The following RARB variants were observed in gnomAD, a reference collection of about 807,000 sequenced individuals.
The protein encoded by RARB is HBV-activated protein.
A neutral mutation model predicts 51.9 loss-of-function variants in RARB; 17 were observed. That is an observed-to-expected ratio of 0.33 (90% confidence interval 0.22 to 0.49). The LOEUF (loss-of-function observed/expected upper bound fraction) is 0.49, where lower values mean the gene tolerates loss of function less well. Among genes scored for constraint, RARB ranks in the 20% least tolerant of loss-of-function variants. The pLI is 0.99. For synonymous variants in RARB, 215 were observed against 195.4 expected, an observed-to-expected ratio of 1.10 and a Z score of -0.84; for missense variants, 369 against 550.8, an observed-to-expected ratio of 0.67 and a Z score of 3.30.
At chr3:25,314,661 A>T (rs555580857) in intron 5 of RARB, among the ~76,000 whole-genome samples, 1 of 152,048 alleles carries the variant, frequency 6.6e-6, no homozygotes, top group Admixed American at 6.5e-5. Context: ...GTATTTTTTT[A>T]TATATATACT....
intron 3 of RARB, among the ~76,000 whole-genome samples, chr3:25,097,048 C>T (rs1405622546): frequency 6.6e-6 from 1 of 152,118 alleles, no homozygotes; most frequent in Non-Finnish European, 1.5e-5. Context: ...TAGGTTATTC[C>T]TTTTAGTTCT....
At chr3:25,002,423 A>G (rs1007384776) in intron 2 of RARB, among the ~76,000 whole-genome samples, 13 of 152,176 alleles carry the variant, frequency 8.5e-5, no homozygotes, top group African/African-American at 2.9e-4. Flanking sequence ...GGAATGAATC[A>G]ACTAATGACA....
In RARB at chr3:25,306,663, C is replaced by T. The variant is rs550099311; in HGVS notation, c.178+132088C>T. Among the ~76,000 whole-genome samples, 4 of 152,206 alleles carry T rather than the reference C, an allele frequency of 2.6e-5. No homozygotes were observed. In the East Asian group the frequency reaches 7.7e-4, roughly 29 times the overall value. On this transcript the variant is annotated intron_variant, in intron 5 of 11. Transcript: ENST00000383772. The stretch of plus-strand genomic sequence containing the variant: ...ATGCCAATACTAAATCCTTTCATGA[C>T]CTATAGTTCATGTGAAGTTCGCATG...
chr3:24,905,430 C>T (rs1182375137), intron 2 of RARB, among the ~76,000 whole-genome samples: 1 of 152,216 alleles, frequency 6.6e-6, no homozygotes, highest in Non-Finnish European at 1.5e-5. Flanking sequence ...TCACACTGCT[C>T]ATCCTTCTGT....
chr3:25,117,455 C>A (rs182305157), intron 3 of RARB, among the ~76,000 whole-genome samples: 17 of 152,282 alleles, frequency 1.1e-4, no homozygotes, highest in African/African-American at 3.9e-4. Context: ...TCAAAGAGCA[C>A]TCATTCCAAT....
chr3:25,171,368 T>C (rs1333957166), intron 4 of RARB, among the ~76,000 whole-genome samples: 1 of 150,278 alleles, frequency 6.7e-6, no homozygotes, highest in African/African-American at 2.5e-5. Context: ...CAGTCACATA[T>C]GTGAACATAG....
At chr3:25,438,247 A>G (rs1708515188) in intron 1 of RARB, among the ~76,000 whole-genome samples, 1 of 152,210 alleles carries the variant, frequency 6.6e-6, no homozygotes, top group South Asian at 2.1e-4. Context: ...AGAGGCTCCC[A>G]GTCCTCTTAA....
intron 2 of RARB, among the ~76,000 whole-genome samples, chr3:24,895,641 TCTCG>T (rs1703462827): frequency 6.6e-6 from 1 of 150,444 alleles, no homozygotes; most frequent in African/African-American, 2.5e-5. Flanking sequence ...TGAGAAGGAG[TCTCG>T]CTCTTTCACC....
chr3:25,446,802 C>CAAAAAAAAAAAAAAAAAA (rs5847356), intron 1 of RARB, among the ~76,000 whole-genome samples: 2 of 69,076 alleles, frequency 2.9e-5, no homozygotes, highest in African/African-American at 1.3e-4. Flanking sequence ...GACTCCGTCT[C>CAAAAAAAAAAAAAAAAAA]AAAAAAAAAA....
intron 4 of RARB, among the ~76,000 whole-genome samples, chr3:25,172,582 C>G (rs576184599): frequency 3.9e-4 from 60 of 152,260 alleles, no homozygotes; most frequent in Admixed American, 1.9e-3. Context: ...TTGTTCTCAA[C>G]CTTACCCAGA....
intron 5 of RARB, among the ~76,000 whole-genome samples, chr3:25,212,702 C>G (rs1701727899): frequency 6.6e-6 from 1 of 152,168 alleles, no homozygotes; most frequent in Non-Finnish European, 1.5e-5. Context: ...TATCACCTAT[C>G]AAATTATCTC....
intron 3 of RARB, among the ~76,000 whole-genome samples, chr3:25,117,399 C>A (rs1909525): frequency 0.85 from 129,490 of 152,154 alleles, 55,216 homozygotes; most frequent in African/African-American, 0.89. Context: ...AGCATGTGCA[C>A]ATATCCAGAA....
intron 5 of RARB, among the ~76,000 whole-genome samples, chr3:25,194,424 G>C (rs950561372): frequency 6.6e-6 from 1 of 151,176 alleles, no homozygotes; most frequent in African/African-American, 2.4e-5. Context: ...GAAGGTGATG[G>C]ATAGCATAAT....
intron 2 of RARB, among the ~76,000 whole-genome samples, chr3:24,997,820 A>C (rs1047603457): frequency 1.3e-5 from 2 of 152,174 alleles, no homozygotes; most frequent in East Asian, 3.9e-4. Flanking sequence ...AGATTTTCTA[A>C]ATAGTGAGTA....
intron 1 of RARB, among the ~76,000 whole-genome samples, chr3:24,851,656 C>A (rs1475432015): frequency 6.6e-6 from 1 of 152,174 alleles, no homozygotes; most frequent in East Asian, 1.9e-4. Context: ...TCAGAATTTA[C>A]ATCTTTTGAT....
intron 1 of RARB, among the ~76,000 whole-genome samples, chr3:25,439,644 T>C (rs993322634): frequency 6.6e-6 from 1 of 152,286 alleles, no homozygotes; most frequent in African/African-American, 2.4e-5. Flanking sequence ...GCAATCTGCT[T>C]GCCTTGGCGT....
chr3:25,468,720 C>T (rs1465650731), intron 2 of RARB, among the ~76,000 whole-genome samples: 6 of 152,126 alleles, frequency 3.9e-5, no homozygotes, highest in East Asian at 3.9e-4. Flanking sequence ...AAAGAAATGA[C>T]ATCTCTGCGA....
At chr3:25,531,400 A>ATAGG (rs796695028) in intron 3 of RARB, among the ~76,000 whole-genome samples, 4 of 46,598 alleles carry the variant, frequency 8.6e-5, no homozygotes, top group African/African-American at 3.0e-4. Context: ...AGATAGATAG[A>ATAGG]TAGATAGATA....
chr3:25,392,757 G>T (rs1707002714), intron 5 of RARB, among the ~76,000 whole-genome samples: 1 of 152,072 alleles, frequency 6.6e-6, no homozygotes, highest in Non-Finnish European at 1.5e-5. Context: ...AAACTTTACA[G>T]AATTCATTTA....
Sources: allele counts gnomAD v4.1 joint callset (sites outside exome capture counted in the v4.1 genomes callset), GRCh38; gene constraint gnomAD v4.1.1; transcripts MANE v1.5; gene names NCBI Gene and HGNC (gene_info 2026-07-23, HGNC 2026-07-21).